The following TRIM51G variants were observed in gnomAD, a reference collection of about 807,000 sequenced individuals.
TRIM51G encodes the protein tripartite motif-containing protein 51G.
At chr11:48,981,481 T>C in the TRIM51G span, 1 of 1,607,150 alleles carries the variant, frequency 6.2e-7, no homozygotes, top group East Asian at 2.2e-5. Context: ...GGAAGCCATG[T>C]TCTTCAAACA....
At chr11:48,976,127 G>C in the TRIM51G span, 2 of 353,866 alleles carry the variant, frequency 5.7e-6, no homozygotes, top group African/African-American at 4.3e-5. Context: ...GGAGAATTTT[G>C]ATTACAACAT....
chr11:48,980,949 T>G, the TRIM51G span: 2 of 506,688 alleles, frequency 3.9e-6, no homozygotes, highest in South Asian at 1.5e-5. Context: ...CAGGTTTCTG[T>G]GATTTTCACA....
the TRIM51G span, chr11:48,975,998 C>A: frequency 3.2e-6 from 2 of 619,970 alleles, no homozygotes; most frequent in Middle Eastern, 2.7e-4. Flanking sequence ...GTAAGATAAA[C>A]TGCAAAAATA....
At chr11:48,977,611 T>C in the TRIM51G span, among the ~76,000 whole-genome samples, 1 of 152,130 alleles carries the variant, frequency 6.6e-6, no homozygotes, top group African/African-American at 2.4e-5. Context: ...CTTTAATAGT[T>C]GAGGTTCTCT....
the TRIM51G span, among the ~76,000 whole-genome samples, chr11:48,982,575 G>A: frequency 2.0e-5 from 3 of 151,970 alleles, no homozygotes; most frequent in East Asian, 3.9e-4. Flanking sequence ...TGAAGATAAA[G>A]GGCAGAGAGA....
the TRIM51G span, chr11:48,975,969 G>T: frequency 5.6e-5 from 40 of 708,700 alleles, no homozygotes; most frequent in Middle Eastern, 7.3e-4. Flanking sequence ...TATGACTACT[G>T]GCTCTTGCAT....
the TRIM51G span, chr11:48,980,771 GTT>G: frequency 1.6e-5 from 6 of 371,822 alleles, no homozygotes; most frequent in Admixed American, 2.3e-4. Context: ...AAATTAGGGT[GTT>G]TTTTTCTCAA....
At chr11:48,981,747 A>T in the TRIM51G span, 2 of 1,541,318 alleles carry the variant, frequency 1.3e-6, no homozygotes, top group Non-Finnish European at 1.8e-6. Context: ...GGTTGGTGAA[A>T]ATCTGTGAAC....
At chr11:48,975,777 A>G in the TRIM51G span, 5 of 1,563,304 alleles carry the variant, frequency 3.2e-6, no homozygotes, top group South Asian at 2.2e-5. Flanking sequence ...CTTTCCAATA[A>G]TTGTTACAGA....
chr11:48,983,560 A>C, the TRIM51G span, among the ~76,000 whole-genome samples: 3 of 151,932 alleles, frequency 2.0e-5, no homozygotes, highest in East Asian at 3.9e-4. Flanking sequence ...ATATATTAAA[A>C]ACTTTTGGAA....
the TRIM51G span, chr11:48,975,643 G>A: frequency 2.8e-6 from 4 of 1,418,712 alleles, no homozygotes; most frequent in Admixed American, 6.7e-5. Flanking sequence ...TGTGTCTGTA[G>A]GTCTTGGAAC....
chr11:48,978,349 G>A, the TRIM51G span, among the ~76,000 whole-genome samples: 1 of 152,050 alleles, frequency 6.6e-6, no homozygotes, highest in Non-Finnish European at 1.5e-5. Flanking sequence ...TCCTGATAAA[G>A]TCTAAGTTTT....
chr11:48,976,226 A>G, the TRIM51G span, among the ~76,000 whole-genome samples: 3 of 152,168 alleles, frequency 2.0e-5, no homozygotes, highest in African/African-American at 7.2e-5. Context: ...AAACTTAAAA[A>G]CTGAGAGTCG....
At chr11:48,983,279 G>T in the TRIM51G span, among the ~76,000 whole-genome samples, 1 of 143,130 alleles carries the variant, frequency 7.0e-6, no homozygotes. Context: ...ATTGTGTTTT[G>T]ATTTCTAAGC....
At chr11:48,977,776 G>A in the TRIM51G span, among the ~76,000 whole-genome samples, 1 of 152,026 alleles carries the variant, frequency 6.6e-6, no homozygotes, top group African/African-American at 2.4e-5. Context: ...TTGTAGCCAT[G>A]TAGTAAATGC....
At chr11:48,977,258 C>G in the TRIM51G span, 1 of 698,724 alleles carries the variant, frequency 1.4e-6, no homozygotes, top group South Asian at 1.5e-5. Context: ...ATTTAAAAGA[C>G]ATTTCATGAG....
chr11:48,982,947 G>GTGTGAA, the TRIM51G span, among the ~76,000 whole-genome samples: 7 of 86,144 alleles, frequency 8.1e-5, no homozygotes, highest in African/African-American at 3.2e-4. Context: ...AGTATTTTTG[G>GTGTGAA]TATATATACA....
At chr11:48,980,854 C>T in the TRIM51G span, 1 of 458,876 alleles carries the variant, frequency 2.2e-6, no homozygotes, top group Non-Finnish European at 4.5e-6. Flanking sequence ...TTAAGAGTCA[C>T]CCATTTGTTC....
the TRIM51G span, chr11:48,977,000 A>G: frequency 3.2e-6 from 2 of 629,808 alleles, no homozygotes; most frequent in Non-Finnish European, 5.9e-6. Flanking sequence ...TGAAATAAAG[A>G]TTTGACGAAG....
Sources: allele counts gnomAD v4.1 joint callset (sites outside exome capture counted in the v4.1 genomes callset), GRCh38; gene constraint gnomAD v4.1.1; transcripts MANE v1.5; gene names NCBI Gene and HGNC (gene_info 2026-07-23, HGNC 2026-07-21).